WLS: variants seen among roughly 807,000 people sequenced by gnomAD.
WLS encodes protein wntless homolog.
WLS carries 23 observed loss-of-function variants against 62.8 expected under a neutral mutation model. That is an observed-to-expected ratio of 0.37 (90% CI 0.26 to 0.52). The LOEUF is 0.52. WLS is among the 20% of genes least tolerant of loss of function. The pLI, the probability that WLS is intolerant of heterozygous loss-of-function variation, is 0.92. For synonymous variants in WLS, 246 were observed against 244.1 expected, an observed-to-expected ratio of 1.01 and a Z score of -0.07; for missense variants, 615 against 697.3, an observed-to-expected ratio of 0.88 and a Z score of 1.33.
At chr1:68,174,668 T>C (rs2100550273) in intron 2 of WLS, among the ~76,000 whole-genome samples, 1 of 152,280 alleles carries the variant, frequency 6.6e-6, no homozygotes, top group East Asian at 1.9e-4. Context: ...TCTCCAGCCA[T>C]CACCCTCAGC....
At chr1:68,218,881 C>A (rs1027027697) in intron 1 of WLS, among the ~76,000 whole-genome samples, 2 of 152,186 alleles carry the variant, frequency 1.3e-5, no homozygotes, top group African/African-American at 4.8e-5. Context: ...AAGCTGACAT[C>A]ATAAATACAT....
intron 11 of WLS, among the ~76,000 whole-genome samples, chr1:68,133,218 G>T (rs183775290): frequency 1.3e-5 from 2 of 152,182 alleles, no homozygotes; most frequent in East Asian, 3.8e-4. Context: ...ATAATTCTAT[G>T]TACATAAAAA....
intron 2 of WLS, among the ~76,000 whole-genome samples, chr1:68,190,527 T>C (rs1648230473): frequency 6.6e-6 from 1 of 152,188 alleles, no homozygotes; most frequent in South Asian, 2.1e-4. Context: ...TCACTATCCC[T>C]GGGGGAAGCC....
At chr1:68,136,882 C>A (rs1557467811) in intron 11 of WLS, among the ~76,000 whole-genome samples, 2 of 152,180 alleles carry the variant, frequency 1.3e-5, no homozygotes, top group Non-Finnish European at 2.9e-5. Flanking sequence ...ACCCTGGTTT[C>A]CACTGCAAGG....
chr1:68,192,372 T>G (rs1307221376), intron 2 of WLS, among the ~76,000 whole-genome samples: 1 of 151,924 alleles, frequency 6.6e-6, no homozygotes, highest in South Asian at 2.1e-4. Flanking sequence ...AACCAAAAAT[T>G]TGGGGAGGCT....
At chr1:68,178,721 A>G (rs1011920930) in intron 2 of WLS, among the ~76,000 whole-genome samples, 5 of 151,310 alleles carry the variant, frequency 3.3e-5, no homozygotes, top group African/African-American at 1.2e-4. Context: ...AAAAAAAAAG[A>G]AAAGAAAAGA....
intron 1 of WLS, among the ~76,000 whole-genome samples, chr1:68,227,466 A>C (rs914228190): frequency 5.3e-5 from 8 of 151,970 alleles, no homozygotes; most frequent in Admixed American, 6.6e-5. Context: ...ATTACACTGC[A>C]AGAACCAAAT....
chr1:68,185,913 C>T (rs934245640), intron 2 of WLS, among the ~76,000 whole-genome samples: 9 of 152,270 alleles, frequency 5.9e-5, no homozygotes, highest in Admixed American at 5.9e-4. Context: ...ATCTTTAGGC[C>T]TCTTCCCTCC....
At chr1:68,185,349 A>G (rs913209817) in intron 2 of WLS, among the ~76,000 whole-genome samples, 1 of 152,190 alleles carries the variant, frequency 6.6e-6, no homozygotes, top group Non-Finnish European at 1.5e-5. Context: ...ATGACAAAGG[A>G]TACACATGAA....
intron 11 of WLS, among the ~76,000 whole-genome samples, chr1:68,103,189 A>G (rs925978663): frequency 5.9e-5 from 9 of 152,230 alleles, no homozygotes; most frequent in African/African-American, 1.9e-4. Flanking sequence ...CAATAGTTTT[A>G]TCTCATCCTG....
intron 1 of WLS, among the ~76,000 whole-genome samples, chr1:68,203,664 A>G (rs943547312): frequency 8.5e-5 from 13 of 152,216 alleles, no homozygotes; most frequent in Non-Finnish European, 1.8e-4. Flanking sequence ...TTAGGATGTT[A>G]GCCTAGAGAA....
chr1:68,146,588 G>A (rs568758783), intron 8 of WLS, among the ~76,000 whole-genome samples: 4 of 152,334 alleles, frequency 2.6e-5, no homozygotes, highest in African/African-American at 7.2e-5. Flanking sequence ...GAGGAGATAC[G>A]TGGGGGCTCA....
At chr1:68,193,435 A>T (rs917798667) in intron 2 of WLS, among the ~76,000 whole-genome samples, 1 of 136,412 alleles carries the variant, frequency 7.3e-6, no homozygotes, top group Non-Finnish European at 1.6e-5. Context: ...AAAAAAAAAA[A>T]AAAAAAACGA....
At chr1:68,171,234 T>C (rs1230198754) in intron 2 of WLS, among the ~76,000 whole-genome samples, 1 of 152,106 alleles carries the variant, frequency 6.6e-6, no homozygotes, top group Non-Finnish European at 1.5e-5. Flanking sequence ...ACCTAGGCAA[T>C]ACCATTCAGG....
chr1:68,153,427 G>A, intron 5 of WLS, 90 bp downstream of exon 5: 1 of 1,556,394 alleles, frequency 6.4e-7, no homozygotes. Context: ...TCACACACTG[G>A]CTGCTTGAAC....
rs2100334314 is a variant in WLS, at chr1:68,113,176, A to G, written c.1511-14423T>C. Among the ~76,000 whole-genome samples, 2 of 152,350 alleles carry G rather than the reference A, an allele frequency of 1.3e-5. 1 individual carries two copies. Among genetic ancestry groups the G allele is most frequent in the South Asian group, 4.1e-4 (2 of 4,832 alleles). On this transcript the variant is annotated intron_variant, in intron 11 of 11. Coordinates refer to the WLS transcript ENST00000354777. ...GGCTTACTCATATCCTGAGTCATCCAACCTCGCATGTCCGTAAAAATATCC... is the reference window on the plus strand; with the variant it reads ...GGCTTACTCATATCCTGAGTCATCCGACCTCGCATGTCCGTAAAAATATCC...
intron 2 of WLS, chr1:68,163,114 C>G (rs199811287): frequency 2.6e-6 from 4 of 1,510,878 alleles, no homozygotes; most frequent in South Asian, 2.3e-5. Flanking sequence ...TTGCAACTCT[C>G]AGATCAAAAG....
intron 1 of WLS, among the ~76,000 whole-genome samples, chr1:68,214,455 C>T (rs1649650629): frequency 6.6e-6 from 1 of 151,956 alleles, no homozygotes. Flanking sequence ...ACCTCTGCCT[C>T]CCAGTTTCAA....
intron 2 of WLS, among the ~76,000 whole-genome samples, chr1:68,167,668 T>C (rs1328620082): frequency 6.6e-6 from 1 of 152,208 alleles, no homozygotes; most frequent in Non-Finnish European, 1.5e-5. Context: ...TTGAAATCCA[T>C]GGTTTTCCAT....
Sources: gnomAD v4.1 joint callset for allele counts (sites outside exome capture counted in the v4.1 genomes callset) on GRCh38, gnomAD v4.1.1 for gene constraint, MANE v1.5 for transcripts, NCBI Gene and HGNC (gene_info 2026-07-23, HGNC 2026-07-21) for gene names.